NKAIN2: variants seen among roughly 807,000 people sequenced by gnomAD.
NKAIN2 encodes the protein sodium/potassium-transporting ATPase subunit beta-1-interacting protein 2.
NKAIN2 carries 14 observed loss-of-function variants against 32.6 expected under a neutral mutation model. The ratio of observed to expected loss-of-function variants is 0.43; its 90% CI spans 0.28 to 0.67. The LOEUF (loss-of-function observed/expected upper bound fraction) is 0.67. Among genes scored for constraint, NKAIN2 ranks in the 30% least tolerant of loss-of-function variants. The pLI is 0.17. For synonymous variants in NKAIN2, 80 were observed against 87.2 expected (o/e 0.92, Z 0.46); for missense variants, 198 against 258.3 (o/e 0.77, Z 1.60).
At chr6:123,997,328 A>G (rs1246213019) in intron 1 of NKAIN2, among the ~76,000 whole-genome samples, 2 of 152,260 alleles carry the variant, frequency 1.3e-5, no homozygotes, top group African/African-American at 4.8e-5. Context: ...TATTTAATTC[A>G]TTGCTACCCG....
chr6:123,927,496 T>G (rs235700), intron 1 of NKAIN2, among the ~76,000 whole-genome samples: 60,999 of 151,982 alleles, frequency 0.4, 12,980 homozygotes, highest in African/African-American at 0.53. Context: ...GTAGGGGAAT[T>G]AAAACTATAA....
chr6:124,222,313 T>C (rs528700033), intron 1 of NKAIN2, among the ~76,000 whole-genome samples: 1 of 152,342 alleles, frequency 6.6e-6, no homozygotes, highest in African/African-American at 2.4e-5. Context: ...AACTAAAATG[T>C]ATTAAATCAC....
intron 1 of NKAIN2, among the ~76,000 whole-genome samples, chr6:123,805,662 T>G (rs1396270711): frequency 6.6e-6 from 1 of 152,214 alleles, no homozygotes; most frequent in African/African-American, 2.4e-5. Flanking sequence ...ATTTTTACTC[T>G]TAATAATAAA....
chr6:124,456,770 T>A (rs556553325), intron 3 of NKAIN2, among the ~76,000 whole-genome samples: 1 of 151,976 alleles, frequency 6.6e-6, no homozygotes, highest in African/African-American at 2.4e-5. Context: ...CCTCATGAGA[T>A]GTATTATTTT....
intron 1 of NKAIN2, among the ~76,000 whole-genome samples, chr6:124,266,496 C>T (rs1794500058): frequency 6.6e-6 from 1 of 152,072 alleles, no homozygotes; most frequent in South Asian, 2.1e-4. Flanking sequence ...CCAGGCTGGT[C>T]TTGAACTCCT....
At chr6:123,884,189 C>G (rs193017820) in intron 1 of NKAIN2, among the ~76,000 whole-genome samples, 1 of 152,024 alleles carries the variant, frequency 6.6e-6, no homozygotes, top group Non-Finnish European at 1.5e-5. Context: ...TTAGCTCCCC[C>G]TTATAAGTGA....
rs112244517 is a variant in NKAIN2, at chr6:124,824,897, A to G, written c.*1668A>G. The G allele has an allele frequency of 3.3e-5, 5 of 152,546 alleles. No individual in the cohort carries two copies. The highest frequency in any genetic ancestry group is 7.4e-5 in the Non-Finnish European group (5 of 68,026). The allele number at this position is 152,546 out of a possible 1,614,324, so 9.4% of individuals were successfully genotyped here. ...ATATACACACACATATACATTTGAAAATGATAGAGGAACAAAGAGTTATCA... is the reference window on the plus strand; with the variant it reads ...ATATACACACACATATACATTTGAAGATGATAGAGGAACAAAGAGTTATCA... On this transcript the variant is annotated 3_prime_UTR_variant, in exon 7 of 7. Transcript: ENST00000368417.
intron 1 of NKAIN2, among the ~76,000 whole-genome samples, chr6:123,841,563 T>G (rs1774870350): frequency 6.6e-6 from 1 of 152,138 alleles, no homozygotes; most frequent in Admixed American, 6.5e-5. Context: ...ATGACATCCA[T>G]CCATCATCAA....
intron 2 of NKAIN2, among the ~76,000 whole-genome samples, chr6:124,325,312 A>G (rs909228466): frequency 6.6e-6 from 1 of 152,046 alleles, no homozygotes; most frequent in African/African-American, 2.4e-5. Context: ...TGGGGATGTA[A>G]AATGGTTCAA....
At chr6:124,526,640 T>C (rs930760852) in intron 3 of NKAIN2, among the ~76,000 whole-genome samples, 9 of 152,252 alleles carry the variant, frequency 5.9e-5, no homozygotes, top group Non-Finnish European at 1.2e-4. Context: ...TCCATAATTT[T>C]TGAGCCCAGG....
rs531314349 is a variant in NKAIN2, at chr6:124,810,184, A to G, written c.536-8203A>G. On this transcript the variant is annotated intron_variant, in intron 5 of 6. Transcript: ENST00000368417. ...TGCTGCTATAAAGACACATGCACACATATGTTTATTGCGGCACTATTCACA... is the reference window on the plus strand; with the variant it reads ...TGCTGCTATAAAGACACATGCACACGTATGTTTATTGCGGCACTATTCACA... 3.6e-3 allele frequency among the ~76,000 whole-genome samples: 546 copies of G among 151,842 alleles called. 2 individuals carry two copies. Among genetic ancestry groups the G allele is most frequent in the African/African-American group, 0.011 (467 of 41,358 alleles).
At chr6:124,631,261 A>G (rs1005820180) in intron 3 of NKAIN2, among the ~76,000 whole-genome samples, 1 of 152,192 alleles carries the variant, frequency 6.6e-6, no homozygotes, top group Non-Finnish European at 1.5e-5. Flanking sequence ...TAAGAGCTCA[A>G]ATGAGTAGTT....
At chr6:124,522,310 G>C (rs538265654) in intron 3 of NKAIN2, among the ~76,000 whole-genome samples, 262 of 152,006 alleles carry the variant, frequency 1.7e-3, no homozygotes, top group African/African-American at 6.1e-3. Flanking sequence ...ATATAATATA[G>C]AATATATTAC....
intron 1 of NKAIN2, among the ~76,000 whole-genome samples, chr6:124,279,287 C>T (rs1207778940): frequency 6.6e-6 from 1 of 152,024 alleles, no homozygotes; most frequent in Non-Finnish European, 1.5e-5. Flanking sequence ...GTGGGCCGAT[C>T]ATGAGGTCAG....
At chr6:124,502,505 G>A (rs2114751879) in intron 3 of NKAIN2, among the ~76,000 whole-genome samples, 1 of 152,252 alleles carries the variant, frequency 6.6e-6, no homozygotes, top group Middle Eastern at 3.4e-3. Flanking sequence ...TCTCCCATGT[G>A]CAAAAATGTA....
intron 1 of NKAIN2, among the ~76,000 whole-genome samples, chr6:124,112,012 T>A (rs1175238157): frequency 6.6e-6 from 1 of 152,186 alleles, no homozygotes; most frequent in African/African-American, 2.4e-5. Context: ...ATTTATCTTT[T>A]AATAATTGTG....
At chr6:124,022,562 G>A (rs897306578) in intron 1 of NKAIN2, among the ~76,000 whole-genome samples, 1 of 152,164 alleles carries the variant, frequency 6.6e-6, no homozygotes, top group Admixed American at 6.5e-5. Flanking sequence ...ATAAAATTGA[G>A]TTCCAATTCT....
intron 3 of NKAIN2, among the ~76,000 whole-genome samples, chr6:124,570,392 C>G (rs1023488678): frequency 3.3e-5 from 5 of 152,164 alleles, no homozygotes; most frequent in African/African-American, 9.6e-5. Context: ...GAGACCTTCA[C>G]AGCAACCCCT....
rs148719099 is a variant in NKAIN2 at position 124,573,601 on chromosome 6, T to C, written c.274-84585T>C. On this transcript the variant is annotated intron_variant, in intron 3 of 6. Transcript: ENST00000368417. ...CTCATAATTTTCTTCTCATTTTAAA[T>C]CTTTTTACAGCCTCACATTAAATTT... 2.8e-3 allele frequency among the ~76,000 whole-genome samples: 431 copies of C among 152,306 alleles called. 1 individual carries two copies. The highest frequency in any genetic ancestry group is 9.7e-3 in the African/African-American group (401 of 41,552).
Sources: gnomAD v4.1 joint callset for allele counts (sites outside exome capture counted in the v4.1 genomes callset) on GRCh38, gnomAD v4.1.1 for gene constraint, MANE v1.5 for transcripts, NCBI Gene and HGNC (gene_info 2026-07-23, HGNC 2026-07-21) for gene names.